The following ADAMTSL1 variants were observed in gnomAD, a reference collection of about 807,000 sequenced individuals.
ADAMTSL1 encodes the protein ADAMTS like 1.
Under a neutral mutation model 201.8 loss-of-function variants are expected in ADAMTSL1, and 126 were observed. That is an observed-to-expected ratio of 0.62 (90% CI 0.54 to 0.72). The LOEUF is 0.72. Among genes scored for constraint, ADAMTSL1 ranks in the 30% least tolerant of loss-of-function variants. ADAMTSL1 has a pLI of 0.00. For synonymous variants in ADAMTSL1, 1,121 were observed against 903.4 expected (o/e 1.24, Z -4.32); for missense variants, 2,679 against 2,277.8 (o/e 1.18, Z -3.59).
chr9:18,757,007 T>C (rs1819811430), intron 16 of ADAMTSL1, among the ~76,000 whole-genome samples: 1 of 149,176 alleles, frequency 6.7e-6, no homozygotes, highest in African/African-American at 2.5e-5. Flanking sequence ...TAGCATGGAG[T>C]TCAAGTATTG....
At chr9:18,683,909 T>G (rs1830671128) in intron 12 of ADAMTSL1, among the ~76,000 whole-genome samples, 1 of 152,228 alleles carries the variant, frequency 6.6e-6, no homozygotes, top group Admixed American at 6.5e-5. Context: ...TCTTTGCAAT[T>G]GTATGTTATA....
At chr9:18,194,358 A>T (rs955065463) in intron 2 of ADAMTSL1, among the ~76,000 whole-genome samples, 3 of 152,116 alleles carry the variant, frequency 2.0e-5, no homozygotes, top group Non-Finnish European at 4.4e-5. Flanking sequence ...ACACATGATT[A>T]TTATAGCAGA....
intron 2 of ADAMTSL1, 82 bp downstream of exon 2, chr9:18,505,038 A>G (rs1317529461): frequency 1.3e-6 from 2 of 1,493,520 alleles, no homozygotes; most frequent in East Asian, 2.4e-5. Flanking sequence ...GGGTTTATGG[A>G]GAACATTTTG....
intron 2 of ADAMTSL1, among the ~76,000 whole-genome samples, chr9:18,455,045 C>A (rs529770491): frequency 6.6e-6 from 1 of 152,158 alleles, no homozygotes; most frequent in African/African-American, 2.4e-5. Context: ...TATCTGTATG[C>A]CAAATTGATT....
At chr9:18,406,398 G>A (rs918007741) in intron 2 of ADAMTSL1, among the ~76,000 whole-genome samples, 3 of 149,266 alleles carry the variant, frequency 2.0e-5, no homozygotes, top group Non-Finnish European at 4.4e-5. Context: ...GCATGATCTC[G>A]GCTCACTGCA....
At chr9:18,426,309 A>C (rs941179816) in intron 2 of ADAMTSL1, among the ~76,000 whole-genome samples, 26 of 152,162 alleles carry the variant, frequency 1.7e-4, no homozygotes, top group African/African-American at 5.8e-4. Context: ...TATAGGAAGA[A>C]ACTCTTCACT....
intron 23 of ADAMTSL1, among the ~76,000 whole-genome samples, chr9:18,881,703 A>C (rs1429020172): frequency 2.6e-5 from 4 of 152,220 alleles, no homozygotes; most frequent in Non-Finnish European, 2.9e-5. Flanking sequence ...GGGTTGCCAC[A>C]AACCTTCAAT....
rs1820208596 is a variant in ADAMTSL1, at chr9:18,015,218, C to CT, written c.87+108296_87+108297insT. ...GTTGGAACACAGGTGTGTCTAGGCT[C>CT]ATGCTTGCTTCTCTCTGGTGCTCTC... On this transcript the variant is annotated intron_variant, in intron 1 of 29. Coordinates refer to the ADAMTSL1 transcript ENST00000680146. 2.0e-5 allele frequency among the ~76,000 whole-genome samples: 3 copies of CT among 152,000 alleles called. No individual in the cohort carries two copies. In the South Asian group the frequency reaches 6.2e-4, roughly 31 times the overall value.
chr9:18,739,323 T>C (rs1361373578), intron 15 of ADAMTSL1, among the ~76,000 whole-genome samples: 1 of 152,232 alleles, frequency 6.6e-6, no homozygotes, highest in East Asian at 1.9e-4. Context: ...TCTGGGGCAG[T>C]CTGGTTCTTG....
At chr9:18,792,585 C>A (rs887113319) in intron 19 of ADAMTSL1, among the ~76,000 whole-genome samples, 1 of 152,204 alleles carries the variant, frequency 6.6e-6, no homozygotes, top group African/African-American at 2.4e-5. Context: ...TAGTGATCTT[C>A]TGAGTTCCAT....
chr9:18,636,688 T>G (rs1048874479), intron 6 of ADAMTSL1, among the ~76,000 whole-genome samples: 2 of 152,150 alleles, frequency 1.3e-5, no homozygotes, highest in Non-Finnish European at 2.9e-5. Flanking sequence ...GCCACCTATT[T>G]CTTATTATTT....
chr9:18,883,586 C>G (rs1414403194), intron 23 of ADAMTSL1, among the ~76,000 whole-genome samples: 1 of 152,206 alleles, frequency 6.6e-6, no homozygotes, highest in South Asian at 2.1e-4. Context: ...CTCCCTTCTC[C>G]CAGCCTCTGG....
chr9:18,400,293 T>A (rs112199475), intron 2 of ADAMTSL1, among the ~76,000 whole-genome samples: 6 of 152,206 alleles, frequency 3.9e-5, no homozygotes, highest in Non-Finnish European at 8.8e-5. Context: ...GTTGGTGATA[T>A]CTCTTTCTTG....
intron 4 of ADAMTSL1, among the ~76,000 whole-genome samples, chr9:18,611,953 A>G (rs1294806585): frequency 6.6e-6 from 1 of 152,092 alleles, no homozygotes; most frequent in Non-Finnish European, 1.5e-5. Context: ...CGGAGCTCAC[A>G]AAAGGTAAAG....
intron 9 of ADAMTSL1, among the ~76,000 whole-genome samples, chr9:18,669,599 G>A (rs1008800855): frequency 6.6e-6 from 1 of 152,110 alleles, no homozygotes; most frequent in Non-Finnish European, 1.5e-5. Context: ...GGATCCCAAC[G>A]TGCCTCTGTA....
At chr9:18,420,962 T>C (rs548281479) in intron 2 of ADAMTSL1, among the ~76,000 whole-genome samples, 13 of 152,190 alleles carry the variant, frequency 8.5e-5, no homozygotes, top group South Asian at 4.1e-4. Context: ...GCCTAGATCA[T>C]AGGAGAAGGA....
At chr9:18,079,891 AAG>A (rs1258142892) in intron 1 of ADAMTSL1, among the ~76,000 whole-genome samples, 1 of 152,108 alleles carries the variant, frequency 6.6e-6, no homozygotes, top group Non-Finnish European at 1.5e-5. Context: ...GCTGGACAAA[AAG>A]AAGAACTGAA....
chr9:18,372,091 T>C (rs1234119344), intron 2 of ADAMTSL1, among the ~76,000 whole-genome samples: 1 of 152,220 alleles, frequency 6.6e-6, no homozygotes, highest in Non-Finnish European at 1.5e-5. Flanking sequence ...ATCCTTCAAC[T>C]GCACTTCCTC....
intron 1 of ADAMTSL1, among the ~76,000 whole-genome samples, chr9:17,927,551 G>T (rs1414097576): frequency 6.6e-6 from 1 of 151,844 alleles, no homozygotes; most frequent in East Asian, 1.9e-4. Context: ...GTGAATTCAA[G>T]CAACTTCAGA....
Sources: allele counts gnomAD v4.1 joint callset (sites outside exome capture counted in the v4.1 genomes callset), GRCh38; gene constraint gnomAD v4.1.1; transcripts MANE v1.5; gene names NCBI Gene and HGNC (gene_info 2026-07-23, HGNC 2026-07-21).